The following PCDH19 variants were observed in gnomAD, a reference collection of about 807,000 sequenced individuals.
The protein encoded by PCDH19 is protocadherin-19.
Under a neutral mutation model 46.2 loss-of-function variants are expected in PCDH19, and 6 were observed. That is an observed-to-expected ratio of 0.13 (90% CI 0.07 to 0.26). The LOEUF is 0.26. PCDH19 is among the 10% of genes least tolerant of loss of function. PCDH19 has a pLI of 1.00. For synonymous variants in PCDH19, 481 were observed against 415.7 expected (o/e 1.16, Z -1.91); for missense variants, 740 against 972.3 (o/e 0.76, Z 3.18).
rs767664406 is a variant in PCDH19, at chrX:100,408,277, G to A, written c.321C>T (p.Ser107=). The A allele has an allele frequency of 1.2e-5, 14 of 1,211,740 alleles. No individual in the cohort carries two copies. The highest frequency in any genetic ancestry group is 4.3e-5 in the Admixed American group (2 of 46,106). The stretch of plus-strand genomic sequence containing the variant: ...TTATCACGCAGATTTCCATTGAGCT[G>A]GACATGACCTCGAGCGAGATGATGC... ...PKCIISLEVM[S]SSMEICVIKV... Residue 107 remains serine, a synonymous_variant, in exon 1 of 6, where the codon TCC becomes TCT. Coordinates refer to ENST00000373034, the MANE Select transcript of PCDH19 (RefSeq NM_001184880.2).
chrX:100,376,235 CAAAAAAAAA>C (rs1171817638), intron 3 of PCDH19, among the ~76,000 whole-genome samples: 3 of 32,909 alleles, frequency 9.1e-5, no homozygotes, highest in East Asian at 2.2e-3. Flanking sequence ...AACTCCGTCT[CAAAAAAAAA>C]AAAAAAAAAA....
chrX:100,352,209 T>C (rs1926591278), intron 3 of PCDH19, among the ~76,000 whole-genome samples: 1 of 112,370 alleles, frequency 8.9e-6, no homozygotes, highest in African/African-American at 3.2e-5. Context: ...AGTTCATTTC[T>C]GGTTTCTTCA....
intron 3 of PCDH19, among the ~76,000 whole-genome samples, chrX:100,393,012 C>T (rs1037329680): frequency 2.7e-5 from 3 of 111,155 alleles, no homozygotes; most frequent in African/African-American, 6.6e-5. Context: ...AAGAGGAAAG[C>T]TTGATACAGA....
intron 5 of PCDH19, among the ~76,000 whole-genome samples, chrX:100,298,192 C>T (rs771413740): frequency 5.4e-4 from 60 of 110,885 alleles, no homozygotes; most frequent in African/African-American, 1.9e-3. Context: ...AATGGCATAG[C>T]AAAGCAAGGT....
chrX:100,392,716 T>G (rs973251708), intron 3 of PCDH19, among the ~76,000 whole-genome samples: 1 of 111,966 alleles, frequency 8.9e-6, no homozygotes, highest in Non-Finnish European at 1.9e-5. Context: ...GAAATCAGTC[T>G]TCCAACAAGC....
At chrX:100,399,406 CTTGA>C (rs936214564) in intron 3 of PCDH19, among the ~76,000 whole-genome samples, 1 of 111,868 alleles carries the variant, frequency 8.9e-6, no homozygotes, top group African/African-American at 3.2e-5. Context: ...CACCTATTTA[CTTGA>C]TTGTCTCACA....
intron 3 of PCDH19, among the ~76,000 whole-genome samples, chrX:100,387,811 T>C (rs908952329): frequency 1.8e-5 from 2 of 111,932 alleles, no homozygotes; most frequent in South Asian, 3.7e-4. Flanking sequence ...AAAATAGTTA[T>C]TTTAAAATGT....
chrX:100,296,888 A>G lies in PCDH19; in HGVS notation c.2849-13T>C, dbSNP rs758872425. On this transcript the variant is annotated splice_polypyrimidine_tract_variant and intron_variant, in intron 5 of 5. Coordinates refer to ENST00000373034, the MANE Select transcript of PCDH19 (RefSeq NM_001184880.2). ...CCTTCATTCTGATCTGTTTGGAAAA[A>G]AGAAAATATCAATTTCATCAGCTTT... 3.4e-6 allele frequency: 4 copies of G among 1,166,085 alleles called. No homozygotes were observed. The highest frequency in any genetic ancestry group is 4.4e-5 in the Admixed American group (2 of 45,697).
At chrX:100,386,443 T>C (rs777185640) in intron 3 of PCDH19, among the ~76,000 whole-genome samples, 2 of 112,219 alleles carry the variant, frequency 1.8e-5, no homozygotes, top group Non-Finnish European at 3.8e-5. Flanking sequence ...TATCACCTTC[T>C]GGGGTTTTAT....
chrX:100,322,067 G>T lies in PCDH19; in HGVS notation c.2848+19836C>A, dbSNP rs113926931. Among the ~76,000 whole-genome samples, 1,056 of 110,573 alleles carry T rather than the reference G, an allele frequency of 9.6e-3. 14 individuals carry two copies. Among genetic ancestry groups the T allele is most frequent in the African/African-American group, 0.033 (1,012 of 30,366 alleles). On this transcript the variant is annotated intron_variant, in intron 5 of 5. Coordinates refer to ENST00000373034, the MANE Select transcript of PCDH19 (RefSeq NM_001184880.2). ...GCCTCCCAAATTGCTGGGATTACAGGTGTGAGCCACCGCGCCTGGCCTATC... is the reference window on the plus strand; with the variant it reads ...GCCTCCCAAATTGCTGGGATTACAGTTGTGAGCCACCGCGCCTGGCCTATC...
chrX:100,368,444 G>C (rs1430767962), intron 3 of PCDH19, among the ~76,000 whole-genome samples: 1 of 111,683 alleles, frequency 9.0e-6, no homozygotes, highest in Non-Finnish European at 1.9e-5. Context: ...ACACTTGGTG[G>C]GGAGCAGAGA....
intron 5 of PCDH19, among the ~76,000 whole-genome samples, chrX:100,322,833 G>GTATATATATATATATATATATATA (rs60720039): frequency 1.2e-4 from 6 of 48,789 alleles, no homozygotes; most frequent in African/African-American, 6.7e-4. Flanking sequence ...ATATTCCTAA[G>GTATATATATATATATATATATATA]TATATATATA....
chrX:100,408,092 G>T lies in PCDH19; in HGVS notation c.506C>A (p.Thr169Lys). The change falls in exon 1 of 6, where the codon ACG becomes AAG. Residue 169 changes from threonine (T) to lysine (K), a missense_variant. Transcript: ENST00000373034. Reference sequence around the variant, plus strand: ...CTCCAGGCCGAACAGCTCGTTGGGCGTGAGCTCGTAAGTCTGCACGCCAAA... The same window carrying T: ...CTCCAGGCCGAACAGCTCGTTGGGCTTGAGCTCGTAAGTCTGCACGCCAAA... ...GSFGVQTYELTPNELFGLEIK... is the reference protein window; with the variant it reads ...GSFGVQTYELKPNELFGLEIK... The T allele has an allele frequency of 8.3e-7, 1 of 1,210,321 alleles. No individual in the cohort carries two copies. Among genetic ancestry groups the T allele is most frequent in the Non-Finnish European group, 1.1e-6 (1 of 895,626 alleles).
At chrX:100,401,955 T>TA (rs1928195942) in intron 3 of PCDH19, among the ~76,000 whole-genome samples, 1 of 112,267 alleles carries the variant, frequency 8.9e-6, no homozygotes. Flanking sequence ...CATCAAATGT[T>TA]ACCACTAGAA....
intron 3 of PCDH19, among the ~76,000 whole-genome samples, chrX:100,370,563 T>C (rs1927187900): frequency 8.9e-6 from 1 of 111,792 alleles, no homozygotes; most frequent in African/African-American, 3.3e-5. Context: ...TCATTTCAAC[T>C]TGTTTCCCAG....
chrX:100,387,667 G>A (rs1927753068), intron 3 of PCDH19, among the ~76,000 whole-genome samples: 1 of 111,802 alleles, frequency 8.9e-6, no homozygotes, highest in African/African-American at 3.2e-5. Context: ...AATAAAGTAT[G>A]TGAACTAGAT....
At chrX:100,393,505 CA>C (rs1927925494) in intron 3 of PCDH19, among the ~76,000 whole-genome samples, 1 of 69,925 alleles carries the variant, frequency 1.4e-5, no homozygotes, top group Admixed American at 1.4e-4. Context: ...CATACACACA[CA>C]CACACACACA....
intron 3 of PCDH19, among the ~76,000 whole-genome samples, chrX:100,357,060 C>T (rs1926739053): frequency 9.0e-6 from 1 of 111,157 alleles, no homozygotes; most frequent in Non-Finnish European, 1.9e-5. Context: ...ATGAACCAAA[C>T]CCTGGGAATT....
chrX:100,384,789 T>C (rs1024631642), intron 3 of PCDH19, among the ~76,000 whole-genome samples: 24 of 111,824 alleles, frequency 2.1e-4, no homozygotes, highest in African/African-American at 7.8e-4. Flanking sequence ...AAAAGTGGAA[T>C]TGCTGGGTCA....
Sources: gnomAD v4.1 joint callset for allele counts (sites outside exome capture counted in the v4.1 genomes callset) on GRCh38, gnomAD v4.1.1 for gene constraint, MANE v1.5 for transcripts, NCBI Gene and HGNC (gene_info 2026-07-23, HGNC 2026-07-21) for gene names.